Variants in SGCZ observed in about 807,000 individuals in gnomAD.
The protein encoded by SGCZ is zeta-sarcoglycan.
A neutral mutation model predicts 41.3 loss-of-function variants in SGCZ; 40 were observed. The observed-to-expected ratio is 0.97, with a 90% CI of 0.75 to 1.26. The LOEUF (loss-of-function observed/expected upper bound fraction) is 1.26. Among genes scored for constraint, SGCZ ranks in the 50% most tolerant of loss-of-function variants. SGCZ has a pLI of 0.00. For missense variants in SGCZ, 552 were observed against 369.8 expected (o/e 1.49, Z -4.04); for synonymous variants, 206 against 137.5 (o/e 1.50, Z -3.49).
At chr8:14,486,452 C>T (rs955777892) in intron 2 of SGCZ, among the ~76,000 whole-genome samples, 1 of 152,214 alleles carries the variant, frequency 6.6e-6, no homozygotes, top group African/African-American at 2.4e-5. Context: ...GTCTTGCTGG[C>T]TGTCTCCTAA....
At chr8:14,426,073 C>A (rs1033162926) in intron 2 of SGCZ, among the ~76,000 whole-genome samples, 1 of 152,006 alleles carries the variant, frequency 6.6e-6, no homozygotes, top group Non-Finnish European at 1.5e-5. Context: ...AGTGAAGACA[C>A]ATTATTTGTT....
intron 1 of SGCZ, among the ~76,000 whole-genome samples, chr8:14,908,606 C>A (rs755985696): frequency 6.6e-6 from 1 of 151,740 alleles, no homozygotes; most frequent in African/African-American, 2.4e-5. Flanking sequence ...AAAAATTAGC[C>A]GGGCGTGGTG....
intron 3 of SGCZ, among the ~76,000 whole-genome samples, chr8:14,318,809 G>A (rs114789061): frequency 4.7e-4 from 72 of 151,970 alleles, no homozygotes; most frequent in African/African-American, 1.7e-3. Context: ...ATCAAACTAA[G>A]TAAGTGCTTC....
intron 1 of SGCZ, among the ~76,000 whole-genome samples, chr8:15,140,028 T>G (rs1345160716): frequency 1.3e-5 from 2 of 152,106 alleles, no homozygotes; most frequent in African/African-American, 4.8e-5. Flanking sequence ...AAAGCCTTTT[T>G]TTTTTATTTT....
chr8:14,620,097 G>C (rs1259184833), intron 1 of SGCZ, among the ~76,000 whole-genome samples: 1 of 152,064 alleles, frequency 6.6e-6, no homozygotes. Flanking sequence ...CAGAGATATA[G>C]ACCAATGGAA....
chr8:14,209,792 A>G (rs1805740506), intron 4 of SGCZ, among the ~76,000 whole-genome samples: 1 of 152,190 alleles, frequency 6.6e-6, no homozygotes, highest in Non-Finnish European at 1.5e-5. Context: ...TTACGTTGGT[A>G]TTTAAATATT....
intron 7 of SGCZ, among the ~76,000 whole-genome samples, chr8:14,098,864 A>G (rs574147781): frequency 6.6e-6 from 1 of 152,236 alleles, no homozygotes; most frequent in South Asian, 2.1e-4. Context: ...TAAACCTTGA[A>G]GTACTCAAGC....
chr8:15,041,520 C>T (rs1349185767), intron 1 of SGCZ, among the ~76,000 whole-genome samples: 1 of 151,876 alleles, frequency 6.6e-6, no homozygotes, highest in Non-Finnish European at 1.5e-5. Context: ...TATGCAATTT[C>T]TTTATATGGC....
At chr8:15,187,072 T>A (rs1281217912) in intron 1 of SGCZ, among the ~76,000 whole-genome samples, 3 of 152,154 alleles carry the variant, frequency 2.0e-5, no homozygotes, top group Non-Finnish European at 4.4e-5. Flanking sequence ...CAACAAGAAG[T>A]TTTAAATTAA....
chr8:15,191,300 C>G (rs914948880), intron 1 of SGCZ, among the ~76,000 whole-genome samples: 4 of 151,902 alleles, frequency 2.6e-5, no homozygotes, highest in Non-Finnish European at 5.9e-5. Flanking sequence ...TATTTATTCT[C>G]AAAAGGAAAA....
At chr8:14,436,464 A>T (rs1411466296) in intron 2 of SGCZ, among the ~76,000 whole-genome samples, 1 of 152,130 alleles carries the variant, frequency 6.6e-6, no homozygotes, top group Non-Finnish European at 1.5e-5. Context: ...TGGGCCATAC[A>T]CTTTTAAGAC....
chr8:14,496,084 G>A (rs188406602), intron 2 of SGCZ, among the ~76,000 whole-genome samples: 78 of 152,194 alleles, frequency 5.1e-4, no homozygotes, highest in Non-Finnish European at 7.4e-4. Context: ...CATTTCTTAA[G>A]GGATAGGCTC....
At chr8:14,534,280 G>C (rs1469214454) in intron 2 of SGCZ, among the ~76,000 whole-genome samples, 1 of 151,890 alleles carries the variant, frequency 6.6e-6, no homozygotes, top group Non-Finnish European at 1.5e-5. Flanking sequence ...CAGAAGAAGG[G>C]CTCATTGGTG....
intron 1 of SGCZ, among the ~76,000 whole-genome samples, chr8:15,156,480 T>G (rs977274074): frequency 1.3e-5 from 2 of 152,192 alleles, no homozygotes; most frequent in African/African-American, 4.8e-5. Flanking sequence ...GGAAAGAACA[T>G]ACCTGAAAAG....
chr8:14,555,322 T>C (rs1399917456), intron 1 of SGCZ, among the ~76,000 whole-genome samples: 1 of 151,996 alleles, frequency 6.6e-6, no homozygotes, highest in Non-Finnish European at 1.5e-5. Context: ...CTCTCCAATG[T>C]TGGAGATGGC....
intron 2 of SGCZ, among the ~76,000 whole-genome samples, chr8:14,428,609 C>T (rs910332589): frequency 1.3e-5 from 2 of 152,072 alleles, no homozygotes; most frequent in South Asian, 4.1e-4. Flanking sequence ...TTACTTTGAA[C>T]TTTAGAAAAT....
At chr8:14,288,932 C>T (rs1800743883) in intron 3 of SGCZ, among the ~76,000 whole-genome samples, 1 of 152,070 alleles carries the variant, frequency 6.6e-6, no homozygotes, top group Non-Finnish European at 1.5e-5. Flanking sequence ...ACATTTTCAC[C>T]AGTACTTGTT....
At chr8:14,886,802 T>C (rs1308400379) in intron 1 of SGCZ, among the ~76,000 whole-genome samples, 1 of 152,104 alleles carries the variant, frequency 6.6e-6, no homozygotes, top group Non-Finnish European at 1.5e-5. Flanking sequence ...AGTCTTTAGA[T>C]CACTTTGGCT....
At chr8:14,621,599 C>T (rs1806287889) in intron 1 of SGCZ, among the ~76,000 whole-genome samples, 1 of 152,046 alleles carries the variant, frequency 6.6e-6, no homozygotes, top group Non-Finnish European at 1.5e-5. Context: ...AAGAAAATTA[C>T]AATCATGGCA....
Sources: gnomAD v4.1 joint callset for allele counts (sites outside exome capture counted in the v4.1 genomes callset) on GRCh38, gnomAD v4.1.1 for gene constraint, MANE v1.5 for transcripts, NCBI Gene and HGNC (gene_info 2026-07-23, HGNC 2026-07-21) for gene names.